ROBO2: variants seen among roughly 807,000 people sequenced by gnomAD.
The protein encoded by ROBO2 is roundabout guidance receptor 2, also known as roundabout homolog 2.
In ROBO2, 53 loss-of-function variants were observed where a neutral mutation model predicts 160.8. That is an observed-to-expected ratio of 0.33 (90% CI 0.26 to 0.41). ROBO2 has a LOEUF of 0.41. Among genes scored for constraint, ROBO2 ranks in the 10% least tolerant of loss-of-function variants. The pLI, the probability that ROBO2 is intolerant of heterozygous loss-of-function variation, is 1.00. For synonymous variants in ROBO2, 664 were observed against 611.7 expected (o/e 1.09, Z -1.26); for missense variants, 1,577 against 1,722.4 (o/e 0.92, Z 1.49).
At chr3:77,586,247 C>T (rs2094045053) in intron 16 of ROBO2, among the ~76,000 whole-genome samples, 3 of 152,028 alleles carry the variant, frequency 2.0e-5, no homozygotes, top group South Asian at 2.1e-4. Flanking sequence ...CATTAAGCAG[C>T]GTGTCATATA....
chr3:77,240,950 C>T (rs766021575), intron 2 of ROBO2, among the ~76,000 whole-genome samples: 1 of 152,292 alleles, frequency 6.6e-6, no homozygotes, highest in South Asian at 2.1e-4. Context: ...ATTTTATCTA[C>T]AAGTGTATTC....
chr3:76,648,699 G>A (rs763676169), intron 2 of ROBO2, among the ~76,000 whole-genome samples: 2 of 152,040 alleles, frequency 1.3e-5, no homozygotes, highest in Admixed American at 6.6e-5. Flanking sequence ...AATGATTGAC[G>A]AAGGGTATAT....
At chr3:76,458,872 G>A (rs1435731285) in intron 2 of ROBO2, among the ~76,000 whole-genome samples, 1 of 152,106 alleles carries the variant, frequency 6.6e-6, no homozygotes, top group African/African-American at 2.4e-5. Context: ...CAGCCCCCAT[G>A]ATTGAATTAC....
At chr3:76,906,404 G>A (rs184141869) in intron 2 of ROBO2, among the ~76,000 whole-genome samples, 5 of 151,614 alleles carry the variant, frequency 3.3e-5, no homozygotes, top group African/African-American at 9.7e-5. Context: ...TAGCAATAAC[G>A]ATTTGCAAAT....
intron 2 of ROBO2, among the ~76,000 whole-genome samples, chr3:76,561,300 G>C (rs2084171516): frequency 6.6e-6 from 1 of 152,064 alleles, no homozygotes; most frequent in Admixed American, 6.6e-5. Flanking sequence ...AGAGGAGGAA[G>C]CAGTCAAACT....
intron 2 of ROBO2, among the ~76,000 whole-genome samples, chr3:77,350,019 C>A (rs2068127444): frequency 6.6e-6 from 1 of 151,772 alleles, no homozygotes; most frequent in Non-Finnish European, 1.5e-5. Context: ...GAAGAAAAGA[C>A]ATCCTGATTT....
At chr3:77,433,437 G>T (rs2078976671) in intron 2 of ROBO2, among the ~76,000 whole-genome samples, 1 of 144,138 alleles carries the variant, frequency 6.9e-6, no homozygotes, top group Non-Finnish European at 1.5e-5. Context: ...ACCATGCAGG[G>T]TGCTAGATGC....
chr3:75,997,316 TTTC>T (rs2065757004), intron 2 of ROBO2, among the ~76,000 whole-genome samples: 1 of 152,184 alleles, frequency 6.6e-6, no homozygotes, highest in South Asian at 2.1e-4. Context: ...CATTTTTGAA[TTTC>T]TTATTTGCTA....
rs750067037 is a variant in ROBO2 at position 76,566,012 on chromosome 3, T to A, written c.110-532002T>A. 4.6e-5 allele frequency among the ~76,000 whole-genome samples: 7 copies of A among 152,320 alleles called. No individual in the cohort carries two copies. The South Asian group carries it at 1.2e-3, about 27-fold the overall frequency. On this transcript the variant is annotated intron_variant, in intron 2 of 26. Transcript: ENST00000487694. The stretch of plus-strand genomic sequence containing the variant: ...CTGGCACTGATCACTGAACTCCTTG[T>A]AACTGTGAGCATGTACTTGGGGAGA...
At chr3:76,632,151 C>G (rs1388631308) in intron 2 of ROBO2, among the ~76,000 whole-genome samples, 3 of 152,182 alleles carry the variant, frequency 2.0e-5, no homozygotes, top group Non-Finnish European at 2.9e-5. Flanking sequence ...TAAAGTGGGA[C>G]TGTGAGTTAT....
chr3:77,032,382 A>T (rs1578388103), intron 2 of ROBO2, among the ~76,000 whole-genome samples: 1 of 152,292 alleles, frequency 6.6e-6, no homozygotes. Context: ...AACCACCTTC[A>T]TATGCTTCAT....
chr3:76,749,265 A>AT (rs545585261), intron 2 of ROBO2, among the ~76,000 whole-genome samples: 16 of 151,384 alleles, frequency 1.1e-4, no homozygotes, highest in African/African-American at 3.4e-4. Flanking sequence ...AAAAAATAGA[A>AT]TTTTTTTTTC....
intron 2 of ROBO2, among the ~76,000 whole-genome samples, chr3:77,001,763 C>G (rs1324685803): frequency 6.6e-6 from 1 of 152,030 alleles, no homozygotes; most frequent in African/African-American, 2.4e-5. Flanking sequence ...AATAAGCTAA[C>G]AATTCTAGAA....
At chr3:76,605,165 T>C (rs1374458053) in intron 2 of ROBO2, among the ~76,000 whole-genome samples, 6 of 152,150 alleles carry the variant, frequency 3.9e-5, no homozygotes, top group Non-Finnish European at 7.4e-5. Flanking sequence ...TGCTAAACAT[T>C]TCCATTAGTA....
chr3:77,518,309 T>C (rs2090233424), intron 5 of ROBO2, among the ~76,000 whole-genome samples: 1 of 151,388 alleles, frequency 6.6e-6, no homozygotes, highest in South Asian at 2.1e-4. Context: ...GCCTAACGAG[T>C]CAATCACTTT....
At chr3:76,721,933 G>A (rs2093472690) in intron 2 of ROBO2, among the ~76,000 whole-genome samples, 1 of 152,202 alleles carries the variant, frequency 6.6e-6, no homozygotes, top group South Asian at 2.1e-4. Flanking sequence ...TGCCAAGGGG[G>A]TAGAGTTGAG....
At chr3:76,538,176 C>T (rs1013941509) in intron 2 of ROBO2, among the ~76,000 whole-genome samples, 2 of 151,858 alleles carry the variant, frequency 1.3e-5, no homozygotes, top group Non-Finnish European at 2.9e-5. Context: ...CACACACACA[C>T]ACACACACCA....
At chr3:77,211,757 T>C (rs1402295068) in intron 2 of ROBO2, among the ~76,000 whole-genome samples, 2 of 152,220 alleles carry the variant, frequency 1.3e-5, no homozygotes, top group African/African-American at 4.8e-5. Flanking sequence ...TTGTATAAAG[T>C]GTAAGGAAGG....
rs1373096824 is a variant in ROBO2, at chr3:76,225,858, A to AACTC, written c.109+288257_109+288260dup. Among the ~76,000 whole-genome samples, 72 of 152,332 alleles carry AACTC rather than the reference A, an allele frequency of 4.7e-4. 1 individual carries two copies. The highest frequency in any genetic ancestry group is 2.4e-5 in the African/African-American group (1 of 41,582). On this transcript the variant is annotated intron_variant, in intron 2 of 26. Transcript: ENST00000487694. ...AAGCTTATACTTTCAAATACCAAAA[A>AACTC]ACTCTAAACATTGCAAGATACATTA...
Sources: allele counts gnomAD v4.1 joint callset (sites outside exome capture counted in the v4.1 genomes callset), GRCh38; gene constraint gnomAD v4.1.1; transcripts MANE v1.5; gene names NCBI Gene and HGNC (gene_info 2026-07-23, HGNC 2026-07-21).